Variants in AGMO observed in about 807,000 individuals in gnomAD.
AGMO encodes glyceryl-ether monooxygenase.
A neutral mutation model predicts 60.2 loss-of-function variants in AGMO; 75 were observed. The ratio of observed to expected loss-of-function variants is 1.25; its 90% CI spans 1.03 to 1.51. The LOEUF is 1.51. Ranked by LOEUF, AGMO falls within the 40% of genes most tolerant of loss-of-function variation. AGMO has a pLI of 0.00. For missense variants in AGMO, 763 were observed against 525.5 expected, an observed-to-expected ratio of 1.45 and a Z score of -4.42; for synonymous variants, 261 against 177.1, an observed-to-expected ratio of 1.47 and a Z score of -3.76.
Position 15,383,855 on chromosome 7 carries a change from A to G in AGMO, c.1074+1591T>C, listed in dbSNP as rs151148062. On this transcript the variant is annotated intron_variant, in intron 10 of 12. Coordinates refer to ENST00000342526, the MANE Select transcript of AGMO (RefSeq NM_001004320.2). The stretch of plus-strand genomic sequence containing the variant: ...TTTTCAGAGTTCTTCATATCTGAAG[A>G]TAACATCTCTTCCATGTTTTTAATC... Among the ~76,000 whole-genome samples, 54 of 152,104 alleles carry G rather than the reference A, an allele frequency of 3.6e-4. 1 individual carries two copies. The East Asian group carries it at 9.5e-3, about 27-fold the overall frequency.
intron 5 of AGMO, among the ~76,000 whole-genome samples, chr7:15,417,420 T>C (rs1424040702): frequency 6.6e-6 from 1 of 152,130 alleles, no homozygotes; most frequent in African/African-American, 2.4e-5. Flanking sequence ...AACTAATACC[T>C]GACCCGACAC....
chr7:15,202,476 AAAAAAAAAAAAAAC>A (rs1312009885), intron 12 of AGMO, among the ~76,000 whole-genome samples: 6 of 144,980 alleles, frequency 4.1e-5, no homozygotes, highest in African/African-American at 1.6e-4. Context: ...AAAAAAAAAA[AAAAAAAAAAAAAAC>A]CCTCCCAAAC....
intron 12 of AGMO, among the ~76,000 whole-genome samples, chr7:15,313,598 C>T (rs1439444880): frequency 1.3e-5 from 2 of 151,994 alleles, no homozygotes; most frequent in African/African-American, 4.8e-5. Context: ...TTCATGAACT[C>T]AAACAGAAAG....
chr7:15,299,289 C>T (rs1784491015), intron 12 of AGMO, among the ~76,000 whole-genome samples: 1 of 152,004 alleles, frequency 6.6e-6, no homozygotes, highest in Non-Finnish European at 1.5e-5. Flanking sequence ...AAGTACATTG[C>T]CCAAAATATT....
intron 5 of AGMO, among the ~76,000 whole-genome samples, chr7:15,396,790 T>C (rs905839345): frequency 2.0e-5 from 3 of 151,714 alleles, no homozygotes; most frequent in Non-Finnish European, 4.4e-5. Context: ...AGGGAGCTGA[T>C]TGGTCCGTTT....
the AGMO span, among the ~76,000 whole-genome samples, chr7:15,174,215 T>C: frequency 6.6e-6 from 1 of 151,940 alleles, no homozygotes; most frequent in East Asian, 1.9e-4. Context: ...ATAGAAATAA[T>C]AGATAGAAAC....
chr7:15,507,681 G>T (rs10232624), intron 3 of AGMO, among the ~76,000 whole-genome samples: 113,233 of 152,020 alleles, frequency 0.74, 42,849 homozygotes, highest in East Asian at 0.96. Flanking sequence ...ATGACACAGT[G>T]GTAAGTTTTA....
At chr7:15,518,142 C>T (rs925122520) in intron 3 of AGMO, among the ~76,000 whole-genome samples, 1 of 152,082 alleles carries the variant, frequency 6.6e-6, no homozygotes, top group Non-Finnish European at 1.5e-5. Context: ...AGGGCATCTC[C>T]GAAAGAAAGG....
chr7:15,354,336 A>ATACACACGCGTG lies in AGMO; in HGVS notation c.1263+11177_1263+11178insCACGCGTGTGTA, dbSNP rs1782378889. On this transcript the variant is annotated intron_variant, in intron 12 of 12. Coordinates refer to ENST00000342526, the MANE Select transcript of AGMO (RefSeq NM_001004320.2). ...CACGCGTGTATATACGTACGCGTGT[A>ATACACACGCGTG]TATACACGCGTGTATATAGACGTGT... is the stretch of plus-strand genomic sequence containing the variant. Among the ~76,000 whole-genome samples the ATACACACGCGTG allele has an allele frequency of 6.4e-5, 6 of 94,134 alleles. 1 individual carries two copies. The highest frequency in any genetic ancestry group is 2.5e-4 in the African/African-American group (5 of 19,876). The allele number at this position is 94,134 out of a possible 152,430, so 61.8% of individuals were successfully genotyped here. A position where few individuals can be genotyped will look rare whatever the true frequency, so the allele number is the denominator to read the frequency against.
chr7:15,354,816 C>T (rs976487418), intron 12 of AGMO, among the ~76,000 whole-genome samples: 14 of 150,904 alleles, frequency 9.3e-5, no homozygotes, highest in African/African-American at 2.2e-4. Context: ...AATTTTTTCT[C>T]GTAATTCACG....
At chr7:15,117,731 C>T in the AGMO span, among the ~76,000 whole-genome samples, 7 of 151,910 alleles carry the variant, frequency 4.6e-5, no homozygotes, top group Admixed American at 1.3e-4. Flanking sequence ...TGGCCGCATG[C>T]TTTCTTATCT....
chr7:15,214,395 C>A (rs1781676734), intron 12 of AGMO, among the ~76,000 whole-genome samples: 1 of 152,016 alleles, frequency 6.6e-6, no homozygotes, highest in Non-Finnish European at 1.5e-5. Context: ...TTAGCACATG[C>A]AGCAAAAGTT....
At chr7:15,324,544 A>T (rs1224569889) in intron 12 of AGMO, among the ~76,000 whole-genome samples, 2 of 151,984 alleles carry the variant, frequency 1.3e-5, no homozygotes, top group Non-Finnish European at 2.9e-5. Flanking sequence ...CAGAGGCCCC[A>T]GGGTTTTGCC....
intron 12 of AGMO, among the ~76,000 whole-genome samples, chr7:15,338,317 T>C (rs1781727551): frequency 6.6e-6 from 1 of 152,226 alleles, no homozygotes; most frequent in African/African-American, 2.4e-5. Flanking sequence ...CACATTCATC[T>C]GATAGCTGAA....
chr7:15,399,985 C>T (rs1414019154), intron 5 of AGMO, among the ~76,000 whole-genome samples: 1 of 152,112 alleles, frequency 6.6e-6, no homozygotes, highest in East Asian at 1.9e-4. Context: ...CTTGATTTTT[C>T]CAATGAGTTT....
intron 12 of AGMO, among the ~76,000 whole-genome samples, chr7:15,284,950 T>C (rs1175119875): frequency 6.6e-6 from 1 of 151,662 alleles, no homozygotes; most frequent in African/African-American, 2.4e-5. Context: ...ATGTGATAAA[T>C]CACATAAACA....
At position 15,431,033 on chromosome 7, in the gene AGMO, T is replaced by C; in HGVS notation, c.485A>G (p.Gln162Arg). ...GGAAGTATATATCTGGAGGACAGAC[T>C]GTCTCAGTGCTGTGGATAAGTTATA... is the stretch of plus-strand genomic sequence containing the variant. ...EDYNLSTALRQSVLQIYTSWI... is the reference protein window; with the variant it reads ...EDYNLSTALRRSVLQIYTSWI... Residue 162 changes from glutamine (Q) to arginine (R), a missense_variant, in exon 4 of 13, where the codon CAG becomes CGG. Physicochemically the swap from Gln to Arg is conservative, Grantham distance 43. Coordinates refer to ENST00000342526, the MANE Select transcript of AGMO (RefSeq NM_001004320.2). 1 of 1,606,316 alleles carries C rather than the reference T, an allele frequency of 6.2e-7. No individual in the cohort carries two copies. Among genetic ancestry groups the C allele is most frequent in the Middle Eastern group, 1.7e-4 (1 of 6,044 alleles).
At chr7:15,255,609 T>G (rs895545727) in intron 12 of AGMO, among the ~76,000 whole-genome samples, 2 of 151,416 alleles carry the variant, frequency 1.3e-5, no homozygotes, top group African/African-American at 4.8e-5. Flanking sequence ...ATGCCGGAAT[T>G]CTTAACAAAA....
At chr7:15,392,789 ACT>A (rs1317041483) in intron 6 of AGMO, among the ~76,000 whole-genome samples, 8 of 141,692 alleles carry the variant, frequency 5.6e-5, no homozygotes, top group East Asian at 2.1e-4. Flanking sequence ...ACAGAATGAG[ACT>A]CTGTCTCAAA....
Sources: gnomAD v4.1 joint callset for allele counts (sites outside exome capture counted in the v4.1 genomes callset) on GRCh38, gnomAD v4.1.1 for gene constraint, MANE v1.5 for transcripts, NCBI Gene and HGNC (gene_info 2026-07-23, HGNC 2026-07-21) for gene names.